The following RAB3IP variants were observed in gnomAD, a reference collection of about 807,000 sequenced individuals.
The protein encoded by RAB3IP is RAB3A interacting protein.
Under a neutral mutation model 59.1 loss-of-function variants are expected in RAB3IP, and 36 were observed. The ratio of observed to expected loss-of-function variants is 0.61; its 90% CI spans 0.47 to 0.80. The LOEUF is 0.80. Among genes scored for constraint, RAB3IP ranks in the 30% least tolerant of loss-of-function variants. The pLI is 0.00. For synonymous variants in RAB3IP, 207 were observed against 191.2 expected (o/e 1.08, Z -0.68); for missense variants, 511 against 536.0 (o/e 0.95, Z 0.46).
chr12:69,811,973 G>T (rs1384091887), intron 8 of RAB3IP: 1 of 152,158 alleles, frequency 6.6e-6, no homozygotes, highest in Admixed American at 6.6e-5. Context: ...TATTGAGCCA[G>T]GTTCCTAGCT....
In RAB3IP at chr12:69,794,503, G is replaced by A; in HGVS notation, c.673G>A (p.Ala225Thr). ...AACAGCAGAAAAACAGCTAAAAGAA[G>A]CACAAGGAAAAGTGAGTTTTTGCAG... Reference protein sequence around the residue: ...QATAEKQLKEAQGKIDVLQAE... With the variant: ...QATAEKQLKETQGKIDVLQAE... Residue 225 changes from alanine (A) to threonine (T), a missense_variant, in exon 5 of 11, where the codon GCA becomes ACA. Coordinates refer to ENST00000247833, the MANE Select transcript of RAB3IP (RefSeq NM_022456.5). 6.2e-7 allele frequency: 1 copy of A among 1,612,186 alleles called. No individual in the cohort carries two copies. The highest frequency in any genetic ancestry group is 1.1e-5 in the South Asian group (1 of 90,736).
At chr12:69,754,071 A>T (rs1329329086) in intron 1 of RAB3IP, among the ~76,000 whole-genome samples, 1 of 152,156 alleles carries the variant, frequency 6.6e-6, no homozygotes, top group African/African-American at 2.4e-5. Context: ...TTCAATCCTC[A>T]CAGCAACCAG....
rs1280037076 is a variant in RAB3IP at position 69,818,122 on chromosome 12, G to A, written c.*2676G>A. On this transcript the variant is annotated 3_prime_UTR_variant, in exon 11 of 11. Transcript: ENST00000247833. Reference sequence around the variant, plus strand: ...GGATCACTCACATATTGCTGATGGGGGTATCAATTGGTATATCCACTGTGA... The same window carrying A: ...GGATCACTCACATATTGCTGATGGGAGTATCAATTGGTATATCCACTGTGA... The A allele has an allele frequency of 6.6e-6, 1 of 152,152 alleles. No homozygotes were observed. Among genetic ancestry groups the A allele is most frequent in the Non-Finnish European group, 1.5e-5 (1 of 68,032 alleles). 9.4% of individuals were successfully genotyped at this position (152,152 alleles called of 1,614,324 possible).
intron 1 of RAB3IP, among the ~76,000 whole-genome samples, chr12:69,745,270 ATTTT>A (rs199863556): frequency 6.6e-6 from 1 of 152,062 alleles, no homozygotes. Flanking sequence ...TTCTTTATTT[ATTTT>A]TTCATTTTAA....
intron 3 of RAB3IP, among the ~76,000 whole-genome samples, chr12:69,779,584 C>G (rs1366069745): frequency 6.6e-6 from 1 of 150,804 alleles, no homozygotes; most frequent in Admixed American, 6.6e-5. Context: ...TTTCACTTAT[C>G]CTGCCTTTGA....
intron 3 of RAB3IP, among the ~76,000 whole-genome samples, chr12:69,782,533 CATCTGTGT>C (rs201930808): frequency 0.11 from 16,183 of 152,228 alleles, 1,179 homozygotes; most frequent in Non-Finnish European, 0.16. Flanking sequence ...GCTTGTTTGT[CATCTGTGT>C]ATCTGCCTTC....
intron 8 of RAB3IP, among the ~76,000 whole-genome samples, chr12:69,803,666 G>C (rs1878755054): frequency 6.6e-6 from 1 of 151,546 alleles, no homozygotes; most frequent in Non-Finnish European, 1.5e-5. Context: ...CCCCACAACA[G>C]TCCCCGGTGT....
At chr12:69,809,690 A>C (rs924034692) in intron 8 of RAB3IP, among the ~76,000 whole-genome samples, 1 of 151,996 alleles carries the variant, frequency 6.6e-6, no homozygotes, top group Non-Finnish European at 1.5e-5. Context: ...AGTTGATTGC[A>C]TCGGTTACTG....
At position 69,794,444 on chromosome 12, in the gene RAB3IP, A is replaced by G. The variant is rs1877130486; in HGVS notation, c.614A>G (p.His205Arg). 10 of 1,611,470 alleles carry G rather than the reference A, an allele frequency of 6.2e-6. No individual in the cohort carries two copies. The highest frequency in any genetic ancestry group is 8.5e-6 in the Non-Finnish European group (10 of 1,178,906). ...AGATGTTAACTTTTTCAGGAAGCTCATAAAATGGTGAGAGAAGCAAATATC... is the reference window on the plus strand; with the variant it reads ...AGATGTTAACTTTTTCAGGAAGCTCGTAAAATGGTGAGAGAAGCAAATATC... ...ELTASLFEEAHKMVREANIKQ... is the reference protein window; with the variant it reads ...ELTASLFEEARKMVREANIKQ... Residue 205 changes from histidine to arginine, a missense_variant, in exon 5 of 11, where the codon CAT becomes CGT. Physicochemically the swap from His to Arg is conservative, Grantham distance 29 (BLOSUM62 0). Transcript: ENST00000247833.
chr12:69,801,548 G>A, intron 7 of RAB3IP, 61 bp from the exon 8 acceptor site: 1 of 1,021,440 alleles, frequency 9.8e-7, no homozygotes, highest in Non-Finnish European at 1.4e-6. Flanking sequence ...GTTTACTGTA[G>A]AATACAATTT....
rs1881873260 is a variant in RAB3IP at position 69,822,640 on chromosome 12, T to C, written c.*7194T>C. 1.3e-5 allele frequency: 2 copies of C among 152,124 alleles called. No individual in the cohort carries two copies. Among genetic ancestry groups the C allele is most frequent in the African/African-American group, 2.4e-5 (1 of 41,418 alleles). The allele number at this position is 152,124 out of a possible 1,614,324, so 9.4% of individuals were successfully genotyped here. ...ACAATAGGGTAAATACAGTTAATAA[T>C]TTATTGTATATTTCACAATAAAGGA... On this transcript the variant is annotated 3_prime_UTR_variant, in exon 11 of 11. Coordinates refer to ENST00000247833, the MANE Select transcript of RAB3IP (RefSeq NM_022456.5).
At chr12:69,791,074 A>C (rs1876527903) in intron 4 of RAB3IP, among the ~76,000 whole-genome samples, 1 of 152,210 alleles carries the variant, frequency 6.6e-6, no homozygotes, top group African/African-American at 2.4e-5. Flanking sequence ...AAAAATGCTA[A>C]GGACACCTAG....
intron 1 of RAB3IP, among the ~76,000 whole-genome samples, chr12:69,750,679 A>T (rs1869124736): frequency 6.7e-6 from 1 of 148,320 alleles, no homozygotes; most frequent in African/African-American, 2.5e-5. Flanking sequence ...CTCTGTATTT[A>T]CTATAAACTG....
At position 69,815,535 on chromosome 12, in the gene RAB3IP, G is replaced by A; in HGVS notation, c.*89G>A. On this transcript the variant is annotated 3_prime_UTR_variant, in exon 11 of 11. Coordinates refer to ENST00000247833, the MANE Select transcript of RAB3IP (RefSeq NM_022456.5). ...GTTACTTGATATTTATTTCCAAGGA[G>A]TGAGCCTAAGACTTTTTTCCCCTTT... 3 of 962,540 alleles carry A rather than the reference G, an allele frequency of 3.1e-6. No homozygotes were observed. The highest frequency in any genetic ancestry group is 3.3e-6 in the Non-Finnish European group (2 of 610,810). 59.6% of individuals were successfully genotyped at this position (962,540 alleles called of 1,614,324 possible).
chr12:69,755,713 T>TTAAAATGGAC, intron 2 of RAB3IP, 54 bp downstream of exon 2: 15 of 1,427,774 alleles, frequency 1.1e-5, no homozygotes, highest in Non-Finnish European at 1.3e-5. Flanking sequence ...ACAGTTTGCT[T>TTAAAATGGAC]AGTTACTATA....
chr12:69,760,100 G>A (rs1332392764), intron 3 of RAB3IP, among the ~76,000 whole-genome samples: 1 of 152,260 alleles, frequency 6.6e-6, no homozygotes, highest in Non-Finnish European at 1.5e-5. Context: ...ATTGAGCCCT[G>A]AGTGAATGAG....
At chr12:69,801,478 CT>C in intron 7 of RAB3IP, 130 bp from the exon 8 acceptor site, 2 of 480,422 alleles carry the variant, frequency 4.2e-6, no homozygotes, top group Non-Finnish European at 7.3e-6. Flanking sequence ...TGATTTCTTC[CT>C]TTTTCATTTG....
intron 3 of RAB3IP, among the ~76,000 whole-genome samples, chr12:69,783,809 A>G (rs1024871634): frequency 6.6e-6 from 1 of 152,144 alleles, no homozygotes; most frequent in East Asian, 1.9e-4. Flanking sequence ...GTGATCATGC[A>G]TTGTGAGCAG....
At chr12:69,750,830 G>A (rs1869161130) in intron 1 of RAB3IP, among the ~76,000 whole-genome samples, 1 of 150,910 alleles carries the variant, frequency 6.6e-6, no homozygotes, top group African/African-American at 2.4e-5. Context: ...CCGTTTTTGT[G>A]ACAAGATGTG....
Sources: gnomAD v4.1 joint callset for allele counts (sites outside exome capture counted in the v4.1 genomes callset) on GRCh38, gnomAD v4.1.1 for gene constraint, MANE v1.5 for transcripts, NCBI Gene and HGNC (gene_info 2026-07-23, HGNC 2026-07-21) for gene names.